The following TIMM17B variants were observed in gnomAD, a reference collection of about 807,000 sequenced individuals.
TIMM17B encodes mitochondrial import inner membrane translocase subunit Tim17-B.
In TIMM17B, 10 loss-of-function variants were observed where a neutral mutation model predicts 15.9. That is an observed-to-expected ratio of 0.63 (90% CI 0.39 to 1.06). The LOEUF is 1.06. TIMM17B is among the 50% of genes least tolerant of loss of function. The pLI is 0.01. For synonymous variants in TIMM17B, 57 were observed against 57.2 expected (o/e 1.00, Z 0.02); for missense variants, 114 against 152.2 (o/e 0.75, Z 1.32).
Position 48,894,411 on chromosome X carries a change from G to A in TIMM17B, c.191-186C>T, listed in dbSNP as rs782135782. Among the ~76,000 whole-genome samples the A allele has an allele frequency of 1.3e-4, 14 of 111,679 alleles. 1 individual carries two copies. In the South Asian group the frequency reaches 4.1e-3, roughly 33 times the overall value. ...CCTGTGGTAGCTCCCACTTCAAGCC[G>A]TCTATAATCACCATCAACATTCCCT... On this transcript the variant is annotated intron_variant, in intron 4 of 6. Transcript: ENST00000376582.
chrX:48,894,016 G>T lies in TIMM17B; in HGVS notation c.320-6C>A. Reference sequence around the variant, plus strand: ...CACCATGGCCAGTGGGCCACCTGGGGGAGTTGGAGGCAGAGAAACAGAGGT... The same window carrying T: ...CACCATGGCCAGTGGGCCACCTGGGTGAGTTGGAGGCAGAGAAACAGAGGT... On this transcript the variant is annotated splice_region_variant and splice_polypyrimidine_tract_variant and intron_variant, in intron 5 of 6. Coordinates refer to ENST00000376582, the Ensembl canonical transcript of TIMM17B. 8.3e-7 allele frequency: 1 copy of T among 1,201,795 alleles called. No homozygotes were observed. The highest frequency in any genetic ancestry group is 1.8e-5 in the South Asian group (1 of 55,736).
At chrX:48,896,664 G>A in intron 3 of TIMM17B, 95 bp downstream of exon 2, 2 of 1,166,312 alleles carry the variant, frequency 1.7e-6, no homozygotes, top group Admixed American at 2.5e-5. Flanking sequence ...ATGAATAAGT[G>A]CACGTGACTG....
exon 7 of TIMM17B, chrX:48,893,479 C>T: frequency 3.1e-6 from 1 of 327,303 alleles, no homozygotes; most frequent in Non-Finnish European, 5.3e-6. Flanking sequence ...AAATACTCAT[C>T]AGGGTGCCAC....
chrX:48,897,839 T>C, intron 1 of TIMM17B, 71 bp from the exon 1 acceptor site: 1 of 1,145,621 alleles, frequency 8.7e-7, no homozygotes, highest in Admixed American at 2.4e-5. Flanking sequence ...CGGGCAGCGA[T>C]TGGGTCGCTA....
rs2063326025 is a variant in TIMM17B, at chrX:48,897,550, G to A, written c.26+174C>T. On this transcript the variant is annotated intron_variant, in intron 2 of 6. Transcript: ENST00000376582. ...CTTCGCCGCACCTTCTCTGGTTGTG[G>A]CCCCTCATAACGGAGCCCGAATGAC... 3 of 459,719 alleles carry A rather than the reference G, an allele frequency of 6.5e-6. No individual in the cohort carries two copies. The Admixed American group carries it at 1.0e-4, about 16-fold the overall frequency. 37.9% of individuals were successfully genotyped at this position (459,719 alleles called of 1,213,427 possible). A position where few individuals can be genotyped will look rare whatever the true frequency, so the allele number is the denominator to read the frequency against.
chrX:48,896,781 T>C (rs1356655979), exon 3 of TIMM17B: 2 of 1,208,169 alleles, frequency 1.7e-6, no homozygotes, highest in Non-Finnish European at 2.2e-6. Context: ...GCGGAAACCC[T>C]TGATGGCCTG....
chrX:48,893,845 G>A, intron 6 of TIMM17B, 28 bp from the exon 6 acceptor site: 1 of 1,179,577 alleles, frequency 8.5e-7, no homozygotes. Context: ...GGGTAAGGAT[G>A]AGTGGAAGAG....
intron 3 of TIMM17B, chrX:48,895,826 T>A (rs2147438194): frequency 5.0e-6 from 1 of 199,358 alleles, no homozygotes; most frequent in South Asian, 1.4e-4. Context: ...TTTTCCTCTA[T>A]CCGGGTTTCT....
At position 48,893,757 on chromosome X, in the gene TIMM17B, C is replaced by T. The variant is rs180854016; in HGVS notation, c.491G>A (p.Gly164Asp). Reference sequence around the variant, plus strand: ...GTGGTACTGCTGATAGCTGGGGTAGCCTGGGGCCGGGGTGCCATCCTTAGG... The same window carrying T: ...GTGGTACTGCTGATAGCTGGGGTAGTCTGGGGCCGGGGTGCCATCCTTAGG... The change falls in exon 7 of 7, where the codon GGC (glycine) becomes GAC (aspartate). Residue 164 changes from glycine (G) to aspartate (D), a missense_variant. Coordinates refer to ENST00000376582, the Ensembl canonical transcript of TIMM17B. 40 of 1,162,605 alleles carry T rather than the reference C, an allele frequency of 3.4e-5. No homozygotes were observed. In the East Asian group the frequency reaches 1.2e-3, roughly 35 times the overall value.
At chrX:48,896,000 T>C (rs1165995844) in intron 3 of TIMM17B, 1 of 112,084 alleles carries the variant, frequency 8.9e-6, no homozygotes, top group Non-Finnish European at 1.8e-5. Flanking sequence ...CATACATAAA[T>C]AATTAGCCGG....
At chrX:48,897,724 C>T in exon 2 of TIMM17B, 1 of 1,207,845 alleles carries the variant, frequency 8.3e-7, no homozygotes, top group Non-Finnish European at 1.1e-6. Flanking sequence ...ATTGCCGTAC[C>T]AGGGCTCCCG....
At chrX:48,897,859 T>G (rs1267878184) in intron 1 of TIMM17B, 91 bp from the exon 1 acceptor site, 1 of 1,080,914 alleles carries the variant, frequency 9.3e-7, no homozygotes, top group African/African-American at 1.8e-5. Flanking sequence ...ATACCGCATG[T>G]CACGCCAAGG....
At position 48,894,293 on chromosome X, in the gene TIMM17B, A is replaced by C. The variant is rs868928722; in HGVS notation, c.191-68T>G. 8 of 1,122,802 alleles carry C rather than the reference A, an allele frequency of 7.1e-6. No homozygotes were observed. The African/African-American group carries it at 1.3e-4, about 18-fold the overall frequency. The allele number at this position is 1,122,802 out of a possible 1,213,427, so 92.5% of individuals were successfully genotyped here. ...AGAATTCACATCTCAGGGGACTTCC[A>C]AGGCCTGAATGCTTTGGCCAAGAAC... On this transcript the variant is annotated intron_variant, in intron 4 of 6. Transcript: ENST00000376582.
exon 7 of TIMM17B, chrX:48,893,521 G>T: frequency 2.6e-6 from 1 of 380,028 alleles, no homozygotes; most frequent in Middle Eastern, 7.1e-4. Context: ...CTTCGTACAT[G>T]TGAGTGTGGG....
exon 4 of TIMM17B, chrX:48,895,048 G>C (rs1557039246): frequency 8.3e-7 from 1 of 1,199,605 alleles, no homozygotes; most frequent in East Asian, 3.0e-5. Flanking sequence ...CTCCAATCTG[G>C]GGGGCTCGGA....
In TIMM17B at chrX:48,893,901, AT is replaced by A; in HGVS notation, c.428del (p.Asn143MetfsTer58). On this transcript the variant is annotated frameshift_variant and splice_region_variant, in exon 6 of 7. Transcript: ENST00000376582. LOFTEE classifies it high-confidence loss of function. ...CTCCCCCGACCACCAGTTACTCACCATTTCGGAACTGCTGGGCTGTGTAGCG... is the reference window on the plus strand; with the variant it reads ...CTCCCCCGACCACCAGTTACTCACCATTCGGAACTGCTGGGCTGTGTAGCG... The A allele has an allele frequency of 8.3e-7, 1 of 1,206,313 alleles. No individual in the cohort carries two copies. The highest frequency in any genetic ancestry group is 1.1e-6 in the Non-Finnish European group (1 of 891,130).
chrX:48,893,764 C>T, exon 7 of TIMM17B: 3 of 1,166,038 alleles, frequency 2.6e-6, no homozygotes, highest in Non-Finnish European at 2.3e-6. Context: ...TAGCCTGGGG[C>T]CGGGGTGCCA....
In TIMM17B at chrX:48,894,094, C is replaced by G. The variant is rs782783109; in HGVS notation, c.319+3G>C. 2.5e-6 allele frequency: 3 copies of G among 1,197,350 alleles called. No individual in the cohort carries two copies. Among genetic ancestry groups the G allele is most frequent in the Non-Finnish European group, 3.4e-6 (3 of 887,718 alleles). On this transcript the variant is annotated splice_donor_region_variant and intron_variant, in intron 5 of 6. Coordinates refer to ENST00000376582, the Ensembl canonical transcript of TIMM17B. ...GCTGGGGCCAGGGCCAGGGGTCACT[C>G]ACTGCGGGCAGCCAGCACAGCCCCG... is the stretch of plus-strand genomic sequence containing the variant.
chrX:48,897,714 A>G lies in TIMM17B; in HGVS notation c.26+10T>C, dbSNP rs782578325. 4.9e-5 allele frequency: 59 copies of G among 1,201,507 alleles called. No homozygotes were observed. Among genetic ancestry groups the G allele is most frequent in the Non-Finnish European group, 6.4e-5 (57 of 888,081 alleles). On this transcript the variant is annotated intron_variant, in intron 2 of 6. Transcript: ENST00000376582. ...AGCAATATTCCGGATGCCTGTGCCC[A>G]TTGCCGTACCAGGGCTCCCGAGCGT...
Sources: gnomAD v4.1 joint callset for allele counts (sites outside exome capture counted in the v4.1 genomes callset) on GRCh38, gnomAD v4.1.1 for gene constraint, MANE v1.5 for transcripts, NCBI Gene and HGNC (gene_info 2026-07-23, HGNC 2026-07-21) for gene names.